Variants in MIB1 observed in about 807,000 individuals in gnomAD.
MIB1 encodes the protein E3 ubiquitin-protein ligase MIB1.
Under a neutral mutation model 124.5 loss-of-function variants are expected in MIB1, and 278 were observed. That is an observed-to-expected ratio of 2.23 (90% confidence interval 2.02 to 2.47). The LOEUF is 2.47. MIB1 is among the 30% of genes most tolerant of loss of function. The pLI, the probability that MIB1 is intolerant of heterozygous loss-of-function variation, is 0.00. For synonymous variants in MIB1, 446 were observed against 429.4 expected, an observed-to-expected ratio of 1.04 and a Z score of -0.48; for missense variants, 957 against 1,254.4, an observed-to-expected ratio of 0.76 and a Z score of 3.58.
chr18:21,780,012 T>C (rs1183642118), intron 6 of MIB1, among the ~76,000 whole-genome samples: 3 of 152,172 alleles, frequency 2.0e-5, no homozygotes, highest in African/African-American at 7.2e-5. Flanking sequence ...TTAAAAGTTC[T>C]GTGTTCGTAT....
intron 6 of MIB1, among the ~76,000 whole-genome samples, chr18:21,790,029 T>C (rs546661932): frequency 1.3e-5 from 2 of 152,318 alleles, no homozygotes; most frequent in East Asian, 1.9e-4. Flanking sequence ...TTGAAGATGA[T>C]AGCAGCGTGG....
chr18:21,743,354 T>G (rs2040877436), intron 1 of MIB1, among the ~76,000 whole-genome samples: 1 of 152,230 alleles, frequency 6.6e-6, no homozygotes, highest in African/African-American at 2.4e-5. Context: ...GGCTGCATAG[T>G]ATTCCAGTGA....
intron 13 of MIB1, among the ~76,000 whole-genome samples, chr18:21,839,982 C>A (rs1313216100): frequency 6.6e-6 from 1 of 152,124 alleles, no homozygotes; most frequent in African/African-American, 2.4e-5. Context: ...TTGAGCCCAG[C>A]AGTTTGAGTT....
intron 1 of MIB1, among the ~76,000 whole-genome samples, chr18:21,731,872 A>G (rs2040772493): frequency 6.6e-6 from 1 of 152,160 alleles, no homozygotes; most frequent in Admixed American, 6.5e-5. Context: ...ATTTCCCAAC[A>G]TAAGCTCCAT....
At chr18:21,781,472 G>T (rs2041367590) in intron 6 of MIB1, among the ~76,000 whole-genome samples, 1 of 147,754 alleles carries the variant, frequency 6.8e-6, no homozygotes, top group African/African-American at 2.5e-5. Context: ...AGGCTGGAGT[G>T]GCACGATGTC....
Position 21,867,658 on chromosome 18 carries a change from A to G in MIB1, c.*2992A>G, listed in dbSNP as rs577572624. On this transcript the variant is annotated 3_prime_UTR_variant, in exon 21 of 21. Transcript: ENST00000261537. ...AATTGATAATTAATGTTGGAAATAC[A>G]TTTCTAAAATTTATATTTTTATGGT... 1 of 152,704 alleles carries G rather than the reference A, an allele frequency of 6.5e-6. No homozygotes were observed. The highest frequency in any genetic ancestry group is 1.5e-5 in the Non-Finnish European group (1 of 67,978). The allele number at this position is 152,704 out of a possible 1,614,324, so 9.5% of individuals were successfully genotyped here.
At chr18:21,840,568 A>C (rs1219874539) in intron 13 of MIB1, among the ~76,000 whole-genome samples, 2 of 150,862 alleles carry the variant, frequency 1.3e-5, no homozygotes, top group Non-Finnish European at 3.0e-5. Flanking sequence ...GCAGGAGAAT[A>C]GCTCAAATCT....
chr18:21,791,284 T>G, intron 6 of MIB1, 90 bp from the exon 7 acceptor site: 1 of 979,940 alleles, frequency 1.0e-6, no homozygotes, highest in Non-Finnish European at 1.5e-6. Flanking sequence ...TGCAAAGGAT[T>G]GCCTTACTCT....
chr18:21,857,598 C>T (rs1171497808), intron 19 of MIB1, among the ~76,000 whole-genome samples: 1 of 152,210 alleles, frequency 6.6e-6, no homozygotes, highest in African/African-American at 2.4e-5. Flanking sequence ...TTTCAGTTTA[C>T]TGAAAGTATT....
intron 1 of MIB1, among the ~76,000 whole-genome samples, chr18:21,750,210 A>G (rs577368473): frequency 1.3e-5 from 2 of 152,094 alleles, no homozygotes; most frequent in Admixed American, 6.5e-5. Flanking sequence ...GCTCACTGCA[A>G]CCTCTACCTC....
At chr18:21,818,208 A>G (rs2041847806) in intron 11 of MIB1, among the ~76,000 whole-genome samples, 1 of 152,022 alleles carries the variant, frequency 6.6e-6, no homozygotes, top group Admixed American at 6.5e-5. Flanking sequence ...CTCATGCCTC[A>G]CTCTCACCTC....
Position 21,799,985 on chromosome 18 carries a change from T to A in MIB1, c.1371+11T>A. On this transcript the variant is annotated intron_variant, in intron 9 of 20. Transcript: ENST00000261537. ...AGACCAGATGTGGATGTGAGCATTTTAAAAATTATTTTGAAGCATACAAAA... is the reference window on the plus strand; with the variant it reads ...AGACCAGATGTGGATGTGAGCATTTAAAAAATTATTTTGAAGCATACAAAA... 2 of 1,606,314 alleles carry A rather than the reference T, an allele frequency of 1.2e-6. No individual in the cohort carries two copies. Among genetic ancestry groups the A allele is most frequent in the South Asian group, 1.1e-5 (1 of 90,116 alleles).
chr18:21,800,318 A>G (rs1268686504), intron 9 of MIB1, among the ~76,000 whole-genome samples: 1 of 151,788 alleles, frequency 6.6e-6, no homozygotes, highest in Non-Finnish European at 1.5e-5. Flanking sequence ...TTTATAAGCA[A>G]TTTTCTTTTT....
intron 7 of MIB1, among the ~76,000 whole-genome samples, chr18:21,795,108 G>C (rs2041557942): frequency 6.6e-6 from 1 of 151,092 alleles, no homozygotes; most frequent in Non-Finnish European, 1.5e-5. Context: ...AAATGGGGTG[G>C]AAATTGAGCA....
chr18:21,813,961 C>T (rs2146471996), intron 10 of MIB1, among the ~76,000 whole-genome samples: 1 of 152,298 alleles, frequency 6.6e-6, no homozygotes, highest in Non-Finnish European at 1.5e-5. Flanking sequence ...CTTATACCTA[C>T]TACCCTTTTC....
rs1476056432 is a variant in MIB1 at position 21,865,544 on chromosome 18, G to A, written c.*878G>A. 6.6e-6 allele frequency: 1 copy of A among 152,576 alleles called. No homozygotes were observed. The highest frequency in any genetic ancestry group is 2.4e-5 in the African/African-American group (1 of 41,444). 9.5% of individuals were successfully genotyped at this position (152,576 alleles called of 1,614,324 possible). A position where few individuals can be genotyped will look rare whatever the true frequency, so the allele number is the denominator to read the frequency against. On this transcript the variant is annotated 3_prime_UTR_variant, in exon 21 of 21. Coordinates refer to ENST00000261537, the MANE Select transcript of MIB1 (RefSeq NM_020774.4). ...GTGATTACTTATCTGGGCTTGATCTGACCAGTGAAATGACATTGCCCTATT... is the reference window on the plus strand; with the variant it reads ...GTGATTACTTATCTGGGCTTGATCTAACCAGTGAAATGACATTGCCCTATT...
At chr18:21,835,801 C>CCACGCACACACA (rs2042023451) in intron 12 of MIB1, among the ~76,000 whole-genome samples, 2 of 101,586 alleles carry the variant, frequency 2.0e-5, no homozygotes, top group East Asian at 5.8e-4. Flanking sequence ...ATATATATAT[C>CCACGCACACACA]CACACACACA....
chr18:21,784,551 T>A (rs1335310693), intron 6 of MIB1, among the ~76,000 whole-genome samples: 5 of 152,240 alleles, frequency 3.3e-5, no homozygotes, highest in Admixed American at 6.5e-5. Flanking sequence ...AGTATAGATT[T>A]GATTATATAT....
In MIB1 at chr18:21,773,642, T is replaced by C. The variant is rs1568195354; in HGVS notation, c.550T>C (p.Trp184Arg). 1.2e-6 allele frequency: 2 copies of C among 1,609,168 alleles called. No individual in the cohort carries two copies. The highest frequency in any genetic ancestry group is 8.5e-7 in the Non-Finnish European group (1 of 1,178,130). Reference sequence around the variant, plus strand: ...CTGTTAGGTAACAGAAATCCAGGACTGGAGTGCATCAAGCCCACATAGCGC... The same window carrying C: ...CTGTTAGGTAACAGAAATCCAGGACCGGAGTGCATCAAGCCCACATAGCGC... ...RRGKVTEIQD[W>R]SASSPHSAAY... Residue 184 changes from tryptophan to arginine, a missense_variant, in exon 4 of 21, where the codon TGG becomes CGG. Physicochemically the swap from Trp to Arg is moderately radical, Grantham distance 101 (BLOSUM62 -3). Transcript: ENST00000261537.
Sources: allele counts gnomAD v4.1 joint callset (sites outside exome capture counted in the v4.1 genomes callset), GRCh38; gene constraint gnomAD v4.1.1; transcripts MANE v1.5; gene names NCBI Gene and HGNC (gene_info 2026-07-23, HGNC 2026-07-21).